THOC1: variants seen among roughly 807,000 people sequenced by gnomAD.
THOC1 encodes the protein THO complex subunit 1.
THOC1 carries 29 observed loss-of-function variants against 97.3 expected under a neutral mutation model. That is an observed-to-expected ratio of 0.30 (90% CI 0.22 to 0.41). The LOEUF is 0.41. Ranked by LOEUF, THOC1 falls within the 10% of genes least tolerant of loss-of-function variation. THOC1 has a pLI of 1.00. For synonymous variants in THOC1, 255 were observed against 257.0 expected (o/e 0.99, Z 0.07); for missense variants, 529 against 761.9 (o/e 0.69, Z 3.60).
chr18:230,417 C>A (rs529484138), intron 11 of THOC1, among the ~76,000 whole-genome samples: 1 of 152,108 alleles, frequency 6.6e-6, no homozygotes, highest in Non-Finnish European at 1.5e-5. Flanking sequence ...ACTAGCTGTT[C>A]ATTTTATTTT....
intron 7 of THOC1, among the ~76,000 whole-genome samples, chr18:255,259 G>C (rs138112967): frequency 6.6e-6 from 1 of 152,168 alleles, no homozygotes; most frequent in Admixed American, 6.5e-5. Flanking sequence ...ATTAAGCTTA[G>C]TAATTAAGGC....
chr18:221,379 C>T (rs1567842664), intron 17 of THOC1, among the ~76,000 whole-genome samples: 1 of 152,002 alleles, frequency 6.6e-6, no homozygotes. Flanking sequence ...TTTGAGAACA[C>T]ATTCTTAGAA....
chr18:217,105 C>T (rs1910918544), intron 18 of THOC1, among the ~76,000 whole-genome samples: 2 of 152,226 alleles, frequency 1.3e-5, no homozygotes, highest in Admixed American at 6.5e-5. Context: ...ATATGCAATG[C>T]TGCGGAAGAA....
Position 254,009 on chromosome 18 carries a change from G to A in THOC1, c.603+264C>T, listed in dbSNP as rs1912361922. ...CACTGCAGCTTGACCTCCCTGGGCT[G>A]AGGCGATTCTCCCACCTCAGCCTCT... On this transcript the variant is annotated intron_variant, in intron 8 of 20. Transcript: ENST00000261600. The surrounding 1 kb of genome is among the most constrained non-coding windows in gnomAD (Gnocchi z 4.1). 6.6e-6 allele frequency among the ~76,000 whole-genome samples: 1 copy of A among 150,928 alleles called. No individual in the cohort carries two copies. Among genetic ancestry groups the A allele is most frequent in the African/African-American group, 2.4e-5 (1 of 41,000 alleles).
At chr18:246,290 C>T (rs1469059775) in intron 11 of THOC1, 34 bp downstream of exon 11, 1 of 1,432,904 alleles carries the variant, frequency 7.0e-7, no homozygotes, top group African/African-American at 1.4e-5. Context: ...AAGACCATTT[C>T]TTATTATGCT....
chr18:238,593 A>G (rs1911790561), intron 11 of THOC1, among the ~76,000 whole-genome samples: 1 of 152,234 alleles, frequency 6.6e-6, no homozygotes, highest in African/African-American at 2.4e-5. Flanking sequence ...ACTGTAACAC[A>G]ATGGTTAAGG....
At position 265,317 on chromosome 18, in the gene THOC1, G is replaced by A; in HGVS notation, c.175C>T (p.Leu59=). ...AACATACTTACAATTTCTTCTTCTA[G>A]AATACCTCTGAAAGCTTGGTCAAGG... ...CTLDQAFRGI[L]EEEIINHSSC... is the part of the protein sequence containing the mutation. Residue 59 remains leucine, a synonymous_variant, in exon 3 of 21, where the codon CTA becomes TTA. Transcript: ENST00000261600. The A allele has an allele frequency of 6.3e-7, 1 of 1,595,834 alleles. No homozygotes were observed. The highest frequency in any genetic ancestry group is 1.2e-5 in the South Asian group (1 of 86,660).
At chr18:259,151 G>A in intron 7 of THOC1, 29 bp downstream of exon 7, 3 of 1,520,850 alleles carry the variant, frequency 2.0e-6, no homozygotes, top group Non-Finnish European at 2.7e-6. Context: ...TTTTCCTGCA[G>A]AAAACTCATT....
Position 218,902 on chromosome 18 carries a change from C to CA in THOC1, c.1437_1438insT (p.Val480CysfsTer4). The CA allele has an allele frequency of 6.2e-7, 1 of 1,601,742 alleles. No individual in the cohort carries two copies. Among genetic ancestry groups the CA allele is most frequent in the Non-Finnish European group, 8.5e-7 (1 of 1,173,188 alleles). ...CATACTTACTTATATTCATTTTCCA[C>CA]CATATTTTCAGGGTCTGCCTGTTCA... is the stretch of plus-strand genomic sequence containing the variant. On this transcript the variant is annotated frameshift_variant, in exon 18 of 21. Coordinates refer to ENST00000261600, the MANE Select transcript of THOC1 (RefSeq NM_005131.3). LOFTEE classifies it high-confidence loss of function.
At chr18:239,766 T>C (rs980460229) in intron 11 of THOC1, among the ~76,000 whole-genome samples, 25 of 152,352 alleles carry the variant, frequency 1.6e-4, no homozygotes, top group African/African-American at 5.5e-4. Context: ...TAAACACTGA[T>C]CTATTAAAAC....
chr18:229,973 T>C (rs533904241), intron 11 of THOC1, among the ~76,000 whole-genome samples: 7 of 152,200 alleles, frequency 4.6e-5, no homozygotes, highest in African/African-American at 9.7e-5. Flanking sequence ...TTACCATTTA[T>C]AAACTGGTAA....
At chr18:223,400 T>C (rs1214372416) in intron 17 of THOC1, 40 bp downstream of exon 17, 2 of 1,497,880 alleles carry the variant, frequency 1.3e-6, no homozygotes, top group South Asian at 2.4e-5. Flanking sequence ...ACTCAACACT[T>C]GACAAAAGCA....
At chr18:252,909 GTT>G (rs1912326838) in intron 8 of THOC1, among the ~76,000 whole-genome samples, 1 of 152,176 alleles carries the variant, frequency 6.6e-6, no homozygotes, top group Admixed American at 6.5e-5. Flanking sequence ...AGGGCTAAAT[GTT>G]TTGGAAATGC....
intron 11 of THOC1, among the ~76,000 whole-genome samples, chr18:235,910 A>G (rs1264097525): frequency 1.3e-5 from 2 of 152,246 alleles, no homozygotes; most frequent in East Asian, 3.8e-4. Context: ...CTGATCCATC[A>G]GAAGCAGTTA....
chr18:264,137 G>C (rs1438712057), intron 3 of THOC1, 45 bp from the exon 4 acceptor site: 1 of 1,339,528 alleles, frequency 7.5e-7, no homozygotes, highest in Non-Finnish European at 1.1e-6. Context: ...CAAGAGTTCA[G>C]ACTAAACTCG....
At chr18:252,635 A>G in intron 8 of THOC1, 23 bp from the exon 9 acceptor site, 2 of 1,582,280 alleles carry the variant, frequency 1.3e-6, no homozygotes, top group Non-Finnish European at 1.7e-6. Context: ...AAAAATGTAT[A>G]GCCTGTCATG....
rs1261528247 is a variant in THOC1, at chr18:242,559, T to C, written c.918+3765A>G. Reference sequence around the variant, plus strand: ...ACAATGCTTCTGGATAATATTCCCATTGGATGGGGTCACGGCTCTATTACA... The same window carrying C: ...ACAATGCTTCTGGATAATATTCCCACTGGATGGGGTCACGGCTCTATTACA... On this transcript the variant is annotated intron_variant, in intron 11 of 20. Transcript: ENST00000261600. This position sits in a 1 kb window ranked among gnomAD's most constrained non-coding sequence, Gnocchi z 4.5. 3.3e-5 allele frequency among the ~76,000 whole-genome samples: 5 copies of C among 152,158 alleles called. No individual in the cohort carries two copies. The highest frequency in any genetic ancestry group is 1.9e-4 in the East Asian group (1 of 5,198).
At position 232,270 on chromosome 18, in the gene THOC1, AT is replaced by A. The variant is rs1229720748; in HGVS notation, c.919-5370del. Among the ~76,000 whole-genome samples the A allele has an allele frequency of 5.3e-5, 8 of 151,910 alleles. No individual in the cohort carries two copies. The East Asian group carries it at 1.2e-3, about 22-fold the overall frequency. On this transcript the variant is annotated intron_variant, in intron 11 of 20. Coordinates refer to ENST00000261600, the MANE Select transcript of THOC1 (RefSeq NM_005131.3). ...GCCACCACACTCAGCTCATTTTAAA[AT>A]TTTTTTGTAGAGATGGGGGTATCAC...
chr18:247,719 T>C (rs1251171437), intron 10 of THOC1, 130 bp downstream of exon 10: 1 of 606,208 alleles, frequency 1.6e-6, no homozygotes, highest in East Asian at 3.1e-5. Context: ...ATTTCACTTG[T>C]TATGAAATTG....
Sources: allele counts gnomAD v4.1 joint callset (sites outside exome capture counted in the v4.1 genomes callset), GRCh38; gene constraint gnomAD v4.1.1; non-coding constraint Gnocchi (gnomAD v3.1); transcripts MANE v1.5; gene names NCBI Gene and HGNC (gene_info 2026-07-23, HGNC 2026-07-21).